Variants in CSMD1 observed in about 807,000 individuals in gnomAD.
CSMD1 encodes the protein CUB and sushi domain-containing protein 1.
A neutral mutation model predicts 417.5 loss-of-function variants in CSMD1; 213 were observed. The observed-to-expected ratio is 0.51, with a 90% CI of 0.46 to 0.57. The LOEUF (loss-of-function observed/expected upper bound fraction) is 0.57, where lower values mean the gene tolerates loss of function less well. Ranked by LOEUF, CSMD1 falls within the 20% of genes least tolerant of loss-of-function variation. The pLI is 0.00. For synonymous variants in CSMD1, 2,862 were observed against 1,736.8 expected (o/e 1.65, Z -16.11); for missense variants, 6,923 against 4,529.7 (o/e 1.53, Z -15.17).
chr8:4,272,582 C>T (rs1804674690), intron 3 of CSMD1, among the ~76,000 whole-genome samples: 1 of 152,022 alleles, frequency 6.6e-6, no homozygotes. Flanking sequence ...TGCAGTATAC[C>T]TTTTTTGAAG....
At chr8:3,309,422 A>C (rs564764377) in intron 23 of CSMD1, among the ~76,000 whole-genome samples, 1 of 142,452 alleles carries the variant, frequency 7.0e-6, no homozygotes, top group South Asian at 2.4e-4. Flanking sequence ...CAGAAACTCC[A>C]GAAATGAATC....
chr8:4,233,151 G>C (rs1439054149), intron 3 of CSMD1, among the ~76,000 whole-genome samples: 3 of 152,188 alleles, frequency 2.0e-5, no homozygotes, highest in East Asian at 1.9e-4. Context: ...CAAGAACAAT[G>C]ACATGCATTT....
rs751137005 is a variant in CSMD1 at position 3,343,412 on chromosome 8, G to C, written c.3513C>G (p.Gly1171=). ...CCAGAAGTTCATTTTTAGTGAACGT[G>C]CCCAGTGGACGTGAGGAACTGTCTT... ...DGKDSSSRPL[G]TFTKNELLGL... is the part of the protein sequence containing the mutation. Residue 1171 remains glycine (G), a synonymous_variant, in exon 23 of 70, where the codon GGC becomes GGG. Coordinates refer to ENST00000635120, the MANE Select transcript of CSMD1 (RefSeq NM_033225.6). The C allele has an allele frequency of 6.2e-7, 1 of 1,613,638 alleles. No homozygotes were observed. Among genetic ancestry groups the C allele is most frequent in the East Asian group, 2.2e-5 (1 of 44,854 alleles).
chr8:3,635,910 A>G (rs1265872615), intron 7 of CSMD1, among the ~76,000 whole-genome samples: 1 of 151,750 alleles, frequency 6.6e-6, no homozygotes, highest in Non-Finnish European at 1.5e-5. Flanking sequence ...AATTAGCTTT[A>G]ACTTCCTGTA....
At chr8:3,402,792 A>G (rs1215418665) in intron 15 of CSMD1, among the ~76,000 whole-genome samples, 1 of 152,144 alleles carries the variant, frequency 6.6e-6, no homozygotes, top group East Asian at 1.9e-4. Context: ...AATTGTTTAT[A>G]ACACTTGAAT....
At chr8:4,918,317 G>C (rs761806731) in intron 1 of CSMD1, among the ~76,000 whole-genome samples, 4 of 152,210 alleles carry the variant, frequency 2.6e-5, no homozygotes, top group Non-Finnish European at 5.9e-5. Flanking sequence ...AAATCACAAA[G>C]TGTATTGCCT....
intron 3 of CSMD1, among the ~76,000 whole-genome samples, chr8:4,184,462 C>T (rs1446860226): frequency 6.6e-6 from 1 of 152,120 alleles, no homozygotes; most frequent in Non-Finnish European, 1.5e-5. Context: ...AAATCAACCT[C>T]AAAGGCCACC....
intron 5 of CSMD1, among the ~76,000 whole-genome samples, chr8:3,935,362 T>C (rs982286937): frequency 2.0e-5 from 3 of 152,238 alleles, no homozygotes; most frequent in Admixed American, 2.0e-4. Flanking sequence ...GAAATTGTCA[T>C]ACACAGGCAT....
At chr8:4,296,018 T>A (rs891798934) in intron 3 of CSMD1, among the ~76,000 whole-genome samples, 5 of 151,798 alleles carry the variant, frequency 3.3e-5, no homozygotes, top group Non-Finnish European at 7.4e-5. Flanking sequence ...TCCAACAACA[T>A]CTTAAAAATG....
chr8:3,426,805 C>A (rs1813870435), intron 12 of CSMD1, among the ~76,000 whole-genome samples: 1 of 152,158 alleles, frequency 6.6e-6, no homozygotes, highest in Non-Finnish European at 1.5e-5. Flanking sequence ...TTAGTTTCCT[C>A]ATGTTCCAAA....
rs776111599 is a variant in CSMD1, at chr8:3,862,510, C to A, written c.819-108468G>T. 4.6e-5 allele frequency among the ~76,000 whole-genome samples: 7 copies of A among 152,288 alleles called. No individual in the cohort carries two copies. In the South Asian group the frequency reaches 1.0e-3, roughly 23 times the overall value. ...CAAAGTTCGCCTTTCCCAGACCTTA[C>A]AACTGTTTGCTACCATAAAATTCAC... On this transcript the variant is annotated intron_variant, in intron 5 of 69. Transcript: ENST00000635120.
chr8:3,768,725 A>C (rs1798416488), intron 5 of CSMD1, among the ~76,000 whole-genome samples: 1 of 152,236 alleles, frequency 6.6e-6, no homozygotes, highest in Non-Finnish European at 1.5e-5. Flanking sequence ...TTCTTTATTA[A>C]CACGCAAACC....
chr8:4,373,451 T>C (rs969857599), intron 3 of CSMD1, among the ~76,000 whole-genome samples: 4 of 152,128 alleles, frequency 2.6e-5, no homozygotes, highest in African/African-American at 7.2e-5. Flanking sequence ...AACACTGCAA[T>C]ATCTCTGAAA....
chr8:3,717,751 T>C (rs4875781), intron 6 of CSMD1, among the ~76,000 whole-genome samples: 1 of 151,938 alleles, frequency 6.6e-6, no homozygotes, highest in South Asian at 2.1e-4. Context: ...TCTGCCTTTA[T>C]GACCTCTTTG....
At chr8:3,935,170 A>C (rs1420487600) in intron 5 of CSMD1, among the ~76,000 whole-genome samples, 1 of 152,164 alleles carries the variant, frequency 6.6e-6, no homozygotes, top group African/African-American at 2.4e-5. Context: ...TATGGCCACG[A>C]CTCGTCTCCA....
intron 10 of CSMD1, among the ~76,000 whole-genome samples, chr8:3,526,667 C>T (rs1449314757): frequency 6.6e-6 from 1 of 152,080 alleles, no homozygotes; most frequent in Non-Finnish European, 1.5e-5. Context: ...ACTATTTGCC[C>T]GGATGCAAAA....
At chr8:3,995,768 T>G (rs75356786) in intron 5 of CSMD1, among the ~76,000 whole-genome samples, 3 of 152,142 alleles carry the variant, frequency 2.0e-5, no homozygotes, top group Non-Finnish European at 4.4e-5. Context: ...AGAATACAAG[T>G]ATAAATACAA....
chr8:4,006,682 C>G (rs1024308448), intron 4 of CSMD1, among the ~76,000 whole-genome samples: 1 of 152,180 alleles, frequency 6.6e-6, no homozygotes, highest in Non-Finnish European at 1.5e-5. Context: ...TTAATCTGCA[C>G]ATGCAGATGG....
intron 2 of CSMD1, among the ~76,000 whole-genome samples, chr8:4,575,113 T>C (rs1799078040): frequency 2.6e-5 from 4 of 152,162 alleles, no homozygotes; most frequent in Admixed American, 1.3e-4. Flanking sequence ...GTAAGGTGCA[T>C]AGTTCATTCT....
Sources: gnomAD v4.1 joint callset for allele counts (sites outside exome capture counted in the v4.1 genomes callset) on GRCh38, gnomAD v4.1.1 for gene constraint, MANE v1.5 for transcripts, NCBI Gene and HGNC (gene_info 2026-07-23, HGNC 2026-07-21) for gene names.